Variants in LIG1 observed in about 807,000 individuals in gnomAD.
The protein encoded by LIG1 is ligase I, DNA, ATP-dependent.
In LIG1, 70 loss-of-function variants were observed where a neutral mutation model predicts 115.7. The observed-to-expected ratio is 0.60, with a 90% CI of 0.50 to 0.74. LIG1 has a LOEUF of 0.74. LIG1 is among the 30% of genes least tolerant of loss of function. The pLI, the probability that LIG1 is intolerant of heterozygous loss-of-function variation, is 0.00. For synonymous variants in LIG1, 487 were observed against 495.3 expected (o/e 0.98, Z 0.22); for missense variants, 1,115 against 1,225.6 (o/e 0.91, Z 1.35).
chr19:48,117,816 C>A, intron 25 of LIG1, 35 bp from the exon 26 acceptor site: 1 of 1,608,276 alleles, frequency 6.2e-7, no homozygotes, highest in South Asian at 1.1e-5. Flanking sequence ...AACAGAGGGT[C>A]TGGAATCTCA....
intron 1 of LIG1, chr19:48,169,834 C>CAGCCCCTCCCCCTCCCAGAT (rs2036686821): frequency 7.0e-6 from 1 of 142,860 alleles, no homozygotes; most frequent in Non-Finnish European, 1.4e-5. Flanking sequence ...TAGCTCCCTT[C>CAGCCCCTCCCCCTCCCAGAT]AGCCCCTCCC....
chr19:48,149,692 G>C (rs747026047), intron 9 of LIG1, 71 bp downstream of exon 9: 1 of 1,197,516 alleles, frequency 8.4e-7, no homozygotes, highest in Non-Finnish European at 1.2e-6. Flanking sequence ...CTGAGCTGGG[G>C]GTGGGGCTGT....
chr19:48,145,729 C>G lies in LIG1; in HGVS notation c.777-1766G>C, dbSNP rs138133201. On this transcript the variant is annotated intron_variant, in intron 9 of 27. Coordinates refer to ENST00000263274, the MANE Select transcript of LIG1 (RefSeq NM_000234.3). ...CTAGAACCACAATGCTGCCACTCCCCACCTGTGTGGCCTGAGCATGGCATT... is the reference window on the plus strand; with the variant it reads ...CTAGAACCACAATGCTGCCACTCCCGACCTGTGTGGCCTGAGCATGGCATT... 1.6e-3 allele frequency among the ~76,000 whole-genome samples: 239 copies of G among 152,294 alleles called. 2 individuals carry two copies. Among genetic ancestry groups the G allele is most frequent in the African/African-American group, 5.5e-3 (230 of 41,570 alleles).
intron 1 of LIG1, among the ~76,000 whole-genome samples, chr19:48,168,466 G>C (rs867215930): frequency 1.3e-5 from 2 of 152,114 alleles, no homozygotes; most frequent in African/African-American, 4.8e-5. Context: ...TGCTGAGTTG[G>C]GGGGAACAAA....
chr19:48,143,690 A>G (rs980194238), intron 10 of LIG1, 91 bp from the exon 11 acceptor site: 49 of 1,221,676 alleles, frequency 4.0e-5, no homozygotes, highest in Non-Finnish European at 5.9e-5. Context: ...CCTCCTCGGG[A>G]CACCCTTGCC....
rs569787336 is a variant in LIG1, at chr19:48,120,912, A to C, written c.2385+258T>G. The C allele has an allele frequency of 3.1e-6, 4 of 1,309,808 alleles. No homozygotes were observed. The East Asian group carries it at 1.3e-4, about 44-fold the overall frequency. The allele number at this position is 1,309,808 out of a possible 1,614,324, so 81.1% of individuals were successfully genotyped here. A position where few individuals can be genotyped will look rare whatever the true frequency, so the allele number is the denominator to read the frequency against. On this transcript the variant is annotated intron_variant, in intron 24 of 27. Transcript: ENST00000263274. The stretch of plus-strand genomic sequence containing the variant: ...TTCATAACAAAAAAATTCTTTTCTT[A>C]TGTGAGCCACCACTATTTGTAGCTA...
chr19:48,155,166 C>A (rs974669844), intron 5 of LIG1, among the ~76,000 whole-genome samples: 27 of 152,152 alleles, frequency 1.8e-4, no homozygotes, highest in African/African-American at 6.3e-4. Flanking sequence ...GGCCACCTTT[C>A]ATTCAGGGAT....
rs1401557741 is a variant in LIG1, at chr19:48,115,985, A to G, written c.2584-20T>C. 5 of 1,594,054 alleles carry G rather than the reference A, an allele frequency of 3.1e-6. No individual in the cohort carries two copies. Among genetic ancestry groups the G allele is most frequent in the Non-Finnish European group, 4.3e-6 (5 of 1,164,516 alleles). On this transcript the variant is annotated intron_variant, in intron 26 of 27. Coordinates refer to ENST00000263274, the MANE Select transcript of LIG1 (RefSeq NM_000234.3). ...ATCCACCTGCGGAAGCGGGATGGAG[A>G]CTCCTGCGGTCCAGCCCCAGCGACC...
chr19:48,161,291 G>C lies in LIG1; in HGVS notation c.243+81C>G, dbSNP rs1013018720. The C allele has an allele frequency of 1.5e-5, 24 of 1,591,252 alleles. No homozygotes were observed. In the East Asian group the frequency reaches 5.1e-4, roughly 34 times the overall value. ...CGGGCAATTTCTCCAGAATTCTCCTGAACAGCTGCTGCACTCTGTTCCAAA... is the reference window on the plus strand; with the variant it reads ...CGGGCAATTTCTCCAGAATTCTCCTCAACAGCTGCTGCACTCTGTTCCAAA... On this transcript the variant is annotated intron_variant, in intron 4 of 27. Coordinates refer to ENST00000263274, the MANE Select transcript of LIG1 (RefSeq NM_000234.3).
At chr19:48,158,212 C>G (rs904305348) in intron 4 of LIG1, among the ~76,000 whole-genome samples, 3 of 152,166 alleles carry the variant, frequency 2.0e-5, no homozygotes, top group Non-Finnish European at 4.4e-5. Context: ...TGAAGTATTC[C>G]TTTATAGCAA....
At chr19:48,131,744 G>T (rs2034037198) in intron 18 of LIG1, among the ~76,000 whole-genome samples, 1 of 152,162 alleles carries the variant, frequency 6.6e-6, no homozygotes, top group Non-Finnish European at 1.5e-5. Flanking sequence ...CAGCCTCTAT[G>T]TCTATTTATT....
At chr19:48,169,410 T>A (rs1599905797) in intron 1 of LIG1, among the ~76,000 whole-genome samples, 1 of 152,188 alleles carries the variant, frequency 6.6e-6, no homozygotes, top group East Asian at 1.9e-4. Context: ...TGGGACTACA[T>A]AAGATGTCAC....
chr19:48,152,287 T>C (rs1187730620), intron 6 of LIG1, among the ~76,000 whole-genome samples: 1 of 152,042 alleles, frequency 6.6e-6, no homozygotes, highest in Non-Finnish European at 1.5e-5. Flanking sequence ...CATACCCAGC[T>C]AATTTTTATA....
chr19:48,121,430 G>A, intron 23 of LIG1, 108 bp from the exon 24 acceptor site: 1 of 1,107,810 alleles, frequency 9.0e-7, no homozygotes, highest in Non-Finnish European at 1.2e-6. Flanking sequence ...AAGTAAGTCT[G>A]AAGGGAACTT....
chr19:48,154,387 C>T (rs2035703276), intron 5 of LIG1: 1 of 262,380 alleles, frequency 3.8e-6, no homozygotes, highest in East Asian at 8.5e-5. Flanking sequence ...CAGGAGAGGC[C>T]CTCACCCCAC....
Position 48,121,280 on chromosome 19 carries a change from G to C in LIG1, c.2275C>G (p.Leu759Val). Reference sequence around the variant, plus strand: ...CCCAGGTAGGCGCCGATCACCACCAGGTCCAGGGTGTCACCCACGCCATCA... The same window carrying C: ...CCCAGGTAGGCGCCGATCACCACCACGTCCAGGGTGTCACCCACGCCATCA... The part of the protein sequence containing the change: ...YLDGVGDTLD[L>V]VVIGAYLGRG... The change falls in exon 24 of 28, where the codon CTG becomes GTG. Residue 759 changes from leucine (L) to valine (V), a missense_variant. Transcript: ENST00000263274. 8 of 1,612,250 alleles carry C rather than the reference G, an allele frequency of 5.0e-6. No homozygotes were observed. The highest frequency in any genetic ancestry group is 1.1e-5 in the South Asian group (1 of 90,990).
intron 9 of LIG1, among the ~76,000 whole-genome samples, chr19:48,144,607 T>C (rs2034998897): frequency 6.6e-6 from 1 of 151,796 alleles, no homozygotes; most frequent in Non-Finnish European, 1.5e-5. Flanking sequence ...CTTCAAGTGA[T>C]TCTTCTGCCT....
At chr19:48,165,258 CA>C (rs914585520) in intron 2 of LIG1, among the ~76,000 whole-genome samples, 53 of 142,860 alleles carry the variant, frequency 3.7e-4, no homozygotes, top group African/African-American at 3.1e-4. Context: ...GACTCCAACT[CA>C]AAAAAAAAAA....
At chr19:48,131,300 TG>T in intron 18 of LIG1, 129 bp from the exon 19 acceptor site, 1 of 694,894 alleles carries the variant, frequency 1.4e-6, no homozygotes, top group Non-Finnish European at 2.6e-6. Flanking sequence ...TGCAGAGACT[TG>T]AGCGAATCAT....
Sources: allele counts gnomAD v4.1 joint callset (sites outside exome capture counted in the v4.1 genomes callset), GRCh38; gene constraint gnomAD v4.1.1; transcripts MANE v1.5; gene names NCBI Gene and HGNC (gene_info 2026-07-23, HGNC 2026-07-21).